AUTS2: variants seen among roughly 807,000 people sequenced by gnomAD.
AUTS2 encodes the protein activator of transcription and developmental regulator AUTS2.
In AUTS2, 17 loss-of-function variants were observed where a neutral mutation model predicts 112.4. The observed-to-expected ratio is 0.15, with a 90% CI of 0.10 to 0.23. The LOEUF (loss-of-function observed/expected upper bound fraction) is 0.23. AUTS2 is among the 10% of genes least tolerant of loss of function. AUTS2 has a pLI of 1.00. For synonymous variants in AUTS2, 751 were observed against 702.7 expected, an observed-to-expected ratio of 1.07 and a Z score of -1.09; for missense variants, 1,510 against 1,701.6, an observed-to-expected ratio of 0.89 and a Z score of 1.98.
rs1410980077 is a variant in AUTS2, at chr7:70,231,761, TTTG to T, written c.660+97193_660+97195del. On this transcript the variant is annotated intron_variant, in intron 4 of 18. Coordinates refer to ENST00000342771, the MANE Select transcript of AUTS2 (RefSeq NM_015570.4). The stretch of plus-strand genomic sequence containing the variant: ...CTGGCCTAGATATGAGGTTTTTTTG[TTTG>T]TTTGTTTGTTTGTTTTGTTTTTTTT... 1.1e-3 allele frequency among the ~76,000 whole-genome samples: 14 copies of T among 12,992 alleles called. No individual in the cohort carries two copies. The East Asian group carries it at 0.024, about 22-fold the overall frequency. The allele number at this position is 12,992 out of a possible 152,430, so 8.5% of individuals were successfully genotyped here.
chr7:70,596,098 G>T (rs1803187653), intron 5 of AUTS2: 2 of 152,538 alleles, frequency 1.3e-5, no homozygotes, highest in South Asian at 1.9e-4. Context: ...TTTGCTAGCC[G>T]GCGAGTTGCA....
intron 4 of AUTS2, among the ~76,000 whole-genome samples, chr7:70,303,441 C>CAT (rs1789334752): frequency 7.4e-6 from 1 of 134,894 alleles, no homozygotes; most frequent in Non-Finnish European, 1.6e-5. Context: ...CGCGCACATA[C>CAT]ACACACACAC....
At chr7:70,428,838 C>T (rs904051070) in intron 4 of AUTS2, among the ~76,000 whole-genome samples, 1 of 152,200 alleles carries the variant, frequency 6.6e-6, no homozygotes, top group Non-Finnish European at 1.5e-5. Flanking sequence ...ACCTAGAATT[C>T]CATCTTGTTG....
intron 5 of AUTS2, among the ~76,000 whole-genome samples, chr7:70,620,279 T>C (rs1804601865): frequency 6.6e-6 from 1 of 152,188 alleles, no homozygotes; most frequent in Non-Finnish European, 1.5e-5. Context: ...TCAGTCGAAA[T>C]GAAGCTGAAA....
At chr7:69,741,939 C>T (rs1014644671) in intron 1 of AUTS2, among the ~76,000 whole-genome samples, 2 of 151,758 alleles carry the variant, frequency 1.3e-5, no homozygotes, top group Non-Finnish European at 2.9e-5. Context: ...AAGTATTAGG[C>T]ATGAAGCACC....
At chr7:69,664,704 A>G (rs1021080160) in intron 1 of AUTS2, among the ~76,000 whole-genome samples, 3 of 152,180 alleles carry the variant, frequency 2.0e-5, no homozygotes, top group Admixed American at 6.5e-5. Flanking sequence ...GCATCGCCCC[A>G]AACCCCCTGT....
chr7:70,739,307 G>A (rs966685610), intron 6 of AUTS2, among the ~76,000 whole-genome samples: 5 of 149,754 alleles, frequency 3.3e-5, no homozygotes, highest in African/African-American at 7.4e-5. Context: ...GGACTACAGT[G>A]CTCAATACCA....
chr7:70,429,989 T>C (rs916075202), intron 4 of AUTS2, among the ~76,000 whole-genome samples: 2 of 152,094 alleles, frequency 1.3e-5, no homozygotes, highest in Admixed American at 1.3e-4. Context: ...ATTTAGGAAA[T>C]CCACTCTTGT....
At chr7:70,551,293 C>T (rs546586201) in intron 5 of AUTS2, among the ~76,000 whole-genome samples, 1 of 152,170 alleles carries the variant, frequency 6.6e-6, no homozygotes, top group East Asian at 1.9e-4. Flanking sequence ...CAGGTAGTGG[C>T]TCCTTCCCAA....
At chr7:70,687,471 G>A (rs1808530015) in intron 5 of AUTS2, among the ~76,000 whole-genome samples, 1 of 152,158 alleles carries the variant, frequency 6.6e-6, no homozygotes, top group South Asian at 2.1e-4. Flanking sequence ...ATATTTTATG[G>A]ATTTTTTAAT....
At chr7:70,462,077 C>G (rs1230069131) in intron 5 of AUTS2, among the ~76,000 whole-genome samples, 1 of 152,008 alleles carries the variant, frequency 6.6e-6, no homozygotes, top group Non-Finnish European at 1.5e-5. Context: ...CATGGTGAAA[C>G]CCCATCTCTA....
intron 4 of AUTS2, among the ~76,000 whole-genome samples, chr7:70,152,181 G>A (rs1217213142): frequency 4.6e-5 from 7 of 152,088 alleles, no homozygotes; most frequent in South Asian, 4.1e-4. Flanking sequence ...CAGAGCATCC[G>A]TGAGCTGTGT....
chr7:70,739,003 CTTTTT>C (rs57525224), intron 6 of AUTS2, among the ~76,000 whole-genome samples: 22 of 57,286 alleles, frequency 3.8e-4, no homozygotes, highest in African/African-American at 9.1e-4. Context: ...GTTTTGAGGC[CTTTTT>C]TTTTTTTTTT....
intron 1 of AUTS2, among the ~76,000 whole-genome samples, chr7:69,629,608 G>A (rs1390965647): frequency 6.6e-6 from 1 of 152,136 alleles, no homozygotes; most frequent in African/African-American, 2.4e-5. Context: ...ATCCTATCAG[G>A]TTGCCAGTTG....
chr7:70,422,997 C>G (rs1308480147), intron 4 of AUTS2, among the ~76,000 whole-genome samples: 3 of 152,066 alleles, frequency 2.0e-5, no homozygotes, highest in African/African-American at 7.2e-5. Flanking sequence ...TCAAGTGGAG[C>G]AAGATATGAG....
At chr7:70,546,490 C>T (rs779258709) in intron 5 of AUTS2, among the ~76,000 whole-genome samples, 3 of 149,584 alleles carry the variant, frequency 2.0e-5, no homozygotes, top group Non-Finnish European at 4.5e-5. Flanking sequence ...TTATAAAAAT[C>T]ATTCAGGGCC....
At chr7:70,052,318 A>T (rs901526396) in intron 2 of AUTS2, among the ~76,000 whole-genome samples, 8 of 152,162 alleles carry the variant, frequency 5.3e-5, no homozygotes, top group Non-Finnish European at 8.8e-5. Context: ...TACAGCTAAC[A>T]TTTCCTAGGT....
chr7:69,600,645 G>C (rs1442830823), intron 1 of AUTS2, among the ~76,000 whole-genome samples: 1 of 148,766 alleles, frequency 6.7e-6, no homozygotes, highest in African/African-American at 2.5e-5. Context: ...ATAGCTCTCT[G>C]TATTCTGTAT....
intron 2 of AUTS2, among the ~76,000 whole-genome samples, chr7:69,914,336 GAC>G (rs1250047696): frequency 2.0e-5 from 2 of 100,272 alleles, no homozygotes; most frequent in African/African-American, 7.8e-5. Flanking sequence ...CACACACACA[GAC>G]ACAGACACAC....
Sources: allele counts gnomAD v4.1 joint callset (sites outside exome capture counted in the v4.1 genomes callset), GRCh38; gene constraint gnomAD v4.1.1; transcripts MANE v1.5; gene names NCBI Gene and HGNC (gene_info 2026-07-23, HGNC 2026-07-21).